The following SACS variants were observed in gnomAD, a reference collection of about 807,000 sequenced individuals.
The protein encoded by SACS is sacsin molecular chaperone, also known as sacsin.
A neutral mutation model predicts 348.0 loss-of-function variants in SACS; 197 were observed. The ratio of observed to expected loss-of-function variants is 0.57; its 90% CI spans 0.50 to 0.64. SACS has a LOEUF of 0.64. SACS is among the 30% of genes least tolerant of loss of function. SACS has a pLI of 0.00. For missense variants in SACS, 4,999 were observed against 5,360.8 expected (o/e 0.93, Z 2.11); for synonymous variants, 1,985 against 1,910.6 (o/e 1.04, Z -1.02).
intron 4 of SACS, among the ~76,000 whole-genome samples, chr13:23,368,859 C>T (rs1295413771): frequency 2.0e-5 from 3 of 152,038 alleles, no homozygotes; most frequent in Non-Finnish European, 4.4e-5. Flanking sequence ...CCACCATGCC[C>T]AGCTAATTTT....
intron 2 of SACS, among the ~76,000 whole-genome samples, chr13:23,406,758 T>G (rs898159370): frequency 6.6e-6 from 1 of 152,198 alleles, no homozygotes; most frequent in East Asian, 1.9e-4. Flanking sequence ...CAATTATTAT[T>G]TTTTGCATTT....
chr13:23,366,889 TG>T (rs1296305809), intron 5 of SACS, among the ~76,000 whole-genome samples: 1 of 152,218 alleles, frequency 6.6e-6, no homozygotes, highest in African/African-American at 2.4e-5. Flanking sequence ...AAGGTGGTGG[TG>T]TAGGTCTTGG....
Position 23,331,766 on chromosome 13 carries a change from A to T in SACS, c.12110T>A (p.Leu4037His). Reference sequence around the variant, plus strand: ...CAATCCTTCTCTTAGGGCTTTGCAAAGTCTTATGGCTTTTTCTTCATTGGC... The same window carrying T: ...CAATCCTTCTCTTAGGGCTTTGCAATGTCTTATGGCTTTTTCTTCATTGGC... ...FLANEEKAIR[L>H]CKALREGLKV... The change falls in exon 10 of 10, where the codon CTT (leucine) becomes CAT (histidine). Residue 4037 changes from leucine (L) to histidine (H), a missense_variant. Around this residue, in one of 6 missense-constraint regions of SACS, gnomAD observed 831 missense variants for 941.8 expected, o/e 0.88. Coordinates refer to ENST00000382292, the MANE Select transcript of SACS (RefSeq NM_014363.6). 6.2e-7 allele frequency: 1 copy of T among 1,613,972 alleles called. No homozygotes were observed. The highest frequency in any genetic ancestry group is 1.1e-5 in the South Asian group (1 of 91,070).
Position 23,430,780 on chromosome 13 carries a change from C to T in SACS, c.-502+2835G>A, listed in dbSNP as rs1593188492. On this transcript the variant is annotated intron_variant, in intron 1 of 9. Coordinates refer to ENST00000382292, the MANE Select transcript of SACS (RefSeq NM_014363.6). ...TATTTTCTGCCCCAGATGACAAACT[C>T]ATGGTGTAATCTCGAGCAGAATATT... Among the ~76,000 whole-genome samples the T allele has an allele frequency of 2.6e-5, 4 of 152,288 alleles. No individual in the cohort carries two copies. The South Asian group carries it at 8.3e-4, about 32-fold the overall frequency.
rs535047063 is a variant in SACS, at chr13:23,382,768, T to TTG, written c.21-7501_21-7500dup. Among the ~76,000 whole-genome samples the TTG allele has an allele frequency of 1.1e-4, 17 of 151,034 alleles. No homozygotes were observed. In the South Asian group the frequency reaches 1.3e-3, roughly 11 times the overall value. On this transcript the variant is annotated intron_variant, in intron 2 of 9. Coordinates refer to ENST00000382292, the MANE Select transcript of SACS (RefSeq NM_014363.6). ...CATATTCTTTGTGTTTTGTTTTGTT[T>TTG]TGTGTGTGTGTGTGGTTTTTGTTTT...
At chr13:23,364,469 C>T (rs775570783) in intron 6 of SACS, among the ~76,000 whole-genome samples, 12 of 152,084 alleles carry the variant, frequency 7.9e-5, no homozygotes, top group African/African-American at 2.9e-4. Flanking sequence ...TTAGTAGAGA[C>T]GGGGTTTTGC....
rs1593126324 is a variant in SACS at position 23,335,448 on chromosome 13, C to G, written c.8428G>C (p.Asp2810His). The G allele has an allele frequency of 6.2e-7, 1 of 1,613,840 alleles. No homozygotes were observed. Among genetic ancestry groups the G allele is most frequent in the Middle Eastern group, 1.6e-4 (1 of 6,062 alleles). ...QQITYTMDTE[D>H]SEGNLTTWLI... ...CACGTAGTAAGATTTCCTTCAGAGT[C>G]CTCAGTATCCATAGTATAGGTTATT... Residue 2810 changes from aspartate (D) to histidine (H), a missense_variant, in exon 10 of 10, where the codon GAC becomes CAC. By Grantham distance (81) the Asp-to-His change is moderately conservative. Transcript: ENST00000382292. This position sits in a 1 kb window ranked among gnomAD's most constrained non-coding sequence, Gnocchi z 4.7.
At position 23,332,390 on chromosome 13, in the gene SACS, G is replaced by C. The variant is rs1183409580; in HGVS notation, c.11486C>G (p.Pro3829Arg). 6.2e-7 allele frequency: 1 copy of C among 1,613,798 alleles called. No individual in the cohort carries two copies. Among genetic ancestry groups the C allele is most frequent in the African/African-American group, 1.3e-5 (1 of 74,886 alleles). Residue 3829 changes from proline (P) to arginine (R), a missense_variant, in exon 10 of 10, where the codon CCT becomes CGT. Pro to Arg is a moderately radical substitution (Grantham distance 103). Coordinates refer to ENST00000382292, the MANE Select transcript of SACS (RefSeq NM_014363.6). Reference sequence around the variant, plus strand: ...CTGGTGAAATGTGCCAAGTTCTAAAGGTAGCTTGTACAAATAAGGTTTAAA... The same window carrying C: ...CTGGTGAAATGTGCCAAGTTCTAAACGTAGCTTGTACAAATAAGGTTTAAA... ...SDFKPYLYKL[P>R]LELGTFHQLF...
chr13:23,331,188 C>T lies in SACS; in HGVS notation c.12688G>A (p.Gly4230Ser), dbSNP rs746194271. 1.1e-5 allele frequency: 17 copies of T among 1,613,370 alleles called. No homozygotes were observed. The highest frequency in any genetic ancestry group is 1.4e-5 in the Non-Finnish European group (17 of 1,179,364). Residue 4230 changes from glycine (G) to serine (S), a missense_variant, in exon 10 of 10, where the codon GGT becomes AGT. Transcript: ENST00000382292. Reference protein sequence around the residue: ...FLGKIYQIDIGYSEYKIVSSL... With the variant: ...FLGKIYQIDISYSEYKIVSSL... ...CTAACTATTTTATATTCACTATAAC[C>T]AATATCTATCTGATATATCTTTCCT... is the stretch of plus-strand genomic sequence containing the variant.
At chr13:23,375,679 C>G (rs1177751378) in intron 2 of SACS, 4 of 543,882 alleles carry the variant, frequency 7.4e-6, no homozygotes, top group African/African-American at 2.1e-5. Flanking sequence ...CCAGGGAACG[C>G]CCATCCAGGC....
intron 7 of SACS, among the ~76,000 whole-genome samples, chr13:23,356,800 G>A (rs920059718): frequency 1.3e-5 from 2 of 152,198 alleles, no homozygotes; most frequent in Non-Finnish European, 2.9e-5. Context: ...TTTCCTGCAA[G>A]ATGCAACTCC....
chr13:23,400,100 GGGAA>G (rs147847351), intron 2 of SACS, among the ~76,000 whole-genome samples: 23,318 of 151,936 alleles, frequency 0.15, 2,194 homozygotes, highest in Non-Finnish European at 0.21. Context: ...TCCTGGATCT[GGGAA>G]GGAAGGAAGG....
intron 2 of SACS, among the ~76,000 whole-genome samples, chr13:23,380,091 G>T (rs569262923): frequency 1.3e-5 from 2 of 151,210 alleles, no homozygotes; most frequent in South Asian, 2.1e-4. Flanking sequence ...CTTGAGGAAG[G>T]TCTCACCCCA....
Position 23,331,369 on chromosome 13 carries a change from A to G in SACS, c.12507T>C (p.Leu4169=), listed in dbSNP as rs1883464496. The part of the protein sequence containing the change: ...PIPAEIHYTL[L]MDPMNVFYPG... ...GGTAAAAAACATTCATTGGGTCCAT[A>G]AGCAGAGTGTAATGAATTTCAGCAG... Residue 4169 remains leucine (L), a synonymous_variant, in exon 10 of 10, where the codon CTT becomes CTC. Coordinates refer to ENST00000382292, the MANE Select transcript of SACS (RefSeq NM_014363.6). 11 of 1,614,070 alleles carry G rather than the reference A, an allele frequency of 6.8e-6. No individual in the cohort carries two copies. In the Middle Eastern group the frequency reaches 4.9e-4, roughly 73 times the overall value.
At chr13:23,386,918 G>A (rs1027473635) in intron 2 of SACS, among the ~76,000 whole-genome samples, 2 of 152,130 alleles carry the variant, frequency 1.3e-5, no homozygotes, top group African/African-American at 4.8e-5. Context: ...AGAACATACC[G>A]TTTATCGATT....
intron 4 of SACS, among the ~76,000 whole-genome samples, chr13:23,369,029 T>C (rs1033258745): frequency 8.5e-5 from 13 of 152,058 alleles, no homozygotes; most frequent in African/African-American, 3.1e-4. Context: ...ACAAATAAAG[T>C]CTCAAAAAAT....
Position 23,340,724 on chromosome 13 carries a change from C to G in SACS, c.3152G>C (p.Gly1051Ala), listed in dbSNP as rs1869125307. 5 of 1,597,322 alleles carry G rather than the reference C, an allele frequency of 3.1e-6. No individual in the cohort carries two copies. The highest frequency in any genetic ancestry group is 3.4e-6 in the Non-Finnish European group (4 of 1,173,294). ...TTCTATATCAGGGTCAAAGAGTTCACCAGCTGATACCATCTGTTCCTGTGA... is the reference window on the plus strand; with the variant it reads ...TTCTATATCAGGGTCAAAGAGTTCAGCAGCTGATACCATCTGTTCCTGTGA... ...QISQEQMVSA[G>A]ELFDPDIEVL... Residue 1051 changes from glycine to alanine, a missense_variant, in exon 10 of 10, where the codon GGT becomes GCT. By Grantham distance (60) the Gly-to-Ala change is moderately conservative. This residue lies in a region of SACS where 3,156 missense variants were observed against 3,380.1 expected (regional missense o/e 0.93). Coordinates refer to ENST00000382292, the MANE Select transcript of SACS (RefSeq NM_014363.6).
chr13:23,344,128 A>G (rs914656421), intron 9 of SACS, among the ~76,000 whole-genome samples: 10 of 152,178 alleles, frequency 6.6e-5, no homozygotes, highest in African/African-American at 2.2e-4. Context: ...ATCAGATTTA[A>G]CTATAATGGA....
intron 6 of SACS, among the ~76,000 whole-genome samples, chr13:23,363,754 T>C (rs1002810776): frequency 6.6e-5 from 10 of 152,220 alleles, no homozygotes; most frequent in African/African-American, 1.9e-4. Context: ...TTATCTCATA[T>C]AATCCTCAAA....
Sources: gnomAD v4.1 joint callset for allele counts (sites outside exome capture counted in the v4.1 genomes callset) on GRCh38, gnomAD v4.1.1 for gene constraint, gnomAD v4.1.1 regional missense constraint, Gnocchi (gnomAD v3.1) non-coding constraint, MANE v1.5 for transcripts, NCBI Gene and HGNC (gene_info 2026-07-23, HGNC 2026-07-21) for gene names.